Variants in HIPK2 observed in about 807,000 individuals in gnomAD.
HIPK2 encodes homeodomain-interacting protein kinase 2.
HIPK2 carries 27 observed loss-of-function variants against 113.7 expected under a neutral mutation model. The ratio of observed to expected loss-of-function variants is 0.24; its 90% CI spans 0.17 to 0.33. The LOEUF (loss-of-function observed/expected upper bound fraction) is 0.33. Among genes scored for constraint, HIPK2 ranks in the 10% least tolerant of loss-of-function variants. HIPK2 has a pLI of 1.00. For synonymous variants in HIPK2, 631 were observed against 642.2 expected, an observed-to-expected ratio of 0.98 and a Z score of 0.26; for missense variants, 1,257 against 1,588.0, an observed-to-expected ratio of 0.79 and a Z score of 3.54.
At chr7:139,686,092 A>G (rs1477255583) in intron 2 of HIPK2, among the ~76,000 whole-genome samples, 6 of 152,194 alleles carry the variant, frequency 3.9e-5, no homozygotes, top group African/African-American at 7.2e-5. Flanking sequence ...TGATTCATGG[A>G]AAGACGTCAA....
intron 2 of HIPK2, among the ~76,000 whole-genome samples, chr7:139,712,975 G>T (rs961101562): frequency 6.6e-6 from 1 of 152,178 alleles, no homozygotes; most frequent in African/African-American, 2.4e-5. Flanking sequence ...TGGAACCAGG[G>T]CTGGGCACAG....
In HIPK2 at chr7:139,615,393, T is replaced by A. The variant is rs185796798; in HGVS notation, c.1783-900A>T. Among the ~76,000 whole-genome samples, 3 of 152,350 alleles carry A rather than the reference T, an allele frequency of 2.0e-5. No homozygotes were observed. The East Asian group carries it at 5.8e-4, about 29-fold the overall frequency. On this transcript the variant is annotated intron_variant, in intron 7 of 14. Transcript: ENST00000406875. ...TAGAAAAGATGCTGGTGTGTCCAGA[T>A]AACTGAAATGGAGGTGGCTTTGACA...
chr7:139,573,191 C>G lies in HIPK2; in HGVS notation c.3333G>C (p.Leu1111=). 1 of 1,607,794 alleles carries G rather than the reference C, an allele frequency of 6.2e-7. No homozygotes were observed. Among genetic ancestry groups the G allele is most frequent in the African/African-American group, 1.3e-5 (1 of 74,968 alleles). The change falls in exon 15 of 15, where the codon CTG becomes CTC. Residue 1111 remains leucine (L), a synonymous_variant. Transcript: ENST00000406875. ...HLYTYTAPAA[L]GSTGTVAHLV... ...GGTGGGCCACGGTGCCGGTGGAGCC[C>G]AGGGCCGCCGGCGCAGTGTAGGTGT...
intron 1 of HIPK2, among the ~76,000 whole-genome samples, chr7:139,761,334 C>T (rs748788155): frequency 2.0e-5 from 3 of 152,214 alleles, no homozygotes; most frequent in Non-Finnish European, 4.4e-5. Flanking sequence ...TTATACCACA[C>T]AAGTCACTTG....
intron 2 of HIPK2, among the ~76,000 whole-genome samples, chr7:139,696,527 G>A (rs1253093625): frequency 4.0e-5 from 6 of 151,386 alleles, no homozygotes; most frequent in African/African-American, 1.5e-4. Flanking sequence ...AGGTTGCAGT[G>A]AGCTGCGAGT....
At chr7:139,637,460 G>A (rs140785256) in intron 2 of HIPK2, among the ~76,000 whole-genome samples, 3 of 152,310 alleles carry the variant, frequency 2.0e-5, no homozygotes, top group East Asian at 1.9e-4. Context: ...CAGAGTCTTC[G>A]TGGGATGCTG....
chr7:139,758,200 G>A (rs1467657014), intron 1 of HIPK2, among the ~76,000 whole-genome samples: 1 of 152,182 alleles, frequency 6.6e-6, no homozygotes, highest in Non-Finnish European at 1.5e-5. Flanking sequence ...GGACAAGGCT[G>A]AAGGGGAAGA....
chr7:139,777,563 AGGGCGGC>A, intron 1 of HIPK2, 35 bp downstream of exon 1: 1 of 941,374 alleles, frequency 1.1e-6, no homozygotes, highest in South Asian at 4.8e-5. Context: ...GGGGCCGCGG[AGGGCGGC>A]GGGCGCGGGG....
chr7:139,713,645 C>G (rs1385319007), intron 2 of HIPK2, among the ~76,000 whole-genome samples: 1 of 152,234 alleles, frequency 6.6e-6, no homozygotes, highest in African/African-American at 2.4e-5. Flanking sequence ...AACACTGGTA[C>G]GTGTTCATGA....
chr7:139,699,449 G>A (rs1236182348), intron 2 of HIPK2, among the ~76,000 whole-genome samples: 1 of 152,162 alleles, frequency 6.6e-6, no homozygotes, highest in African/African-American at 2.4e-5. Context: ...ATCACCTGGG[G>A]AAGAGGACCA....
chr7:139,568,285 CAGG>C lies in HIPK2; in HGVS notation c.*4639_*4641del, dbSNP rs1798154852. On this transcript the variant is annotated 3_prime_UTR_variant, in exon 15 of 15. Transcript: ENST00000406875. ...AGGAAGACTAGAAAGGCTAACAGTC[CAGG>C]AGATGAATGCCGCTTTGCTCCAACC... The C allele has an allele frequency of 6.6e-6, 1 of 152,468 alleles. No individual in the cohort carries two copies. Among genetic ancestry groups the C allele is most frequent in the Admixed American group, 6.5e-5 (1 of 15,284 alleles). The allele number at this position is 152,468 out of a possible 1,614,324, so 9.4% of individuals were successfully genotyped here. A position where few individuals can be genotyped will look rare whatever the true frequency, so the allele number is the denominator to read the frequency against.
At chr7:139,758,187 C>T (rs1239677460) in intron 1 of HIPK2, among the ~76,000 whole-genome samples, 1 of 151,948 alleles carries the variant, frequency 6.6e-6, no homozygotes, top group Non-Finnish European at 1.5e-5. Context: ...TGGAGAATAG[C>T]CAGGACAAGG....
rs561722015 is a variant in HIPK2, at chr7:139,687,644, CCATGTCTAAAGTCCCT to C, written c.1103+28272_1103+28287del. 3.7e-3 allele frequency among the ~76,000 whole-genome samples: 566 copies of C among 152,264 alleles called. 4 individuals carry two copies. The highest frequency in any genetic ancestry group is 0.014 in the Middle Eastern group (4 of 294). On this transcript the variant is annotated intron_variant, in intron 2 of 14. Transcript: ENST00000406875. ...CTATCCCATCCCATCTCATCCTATC[CCATGTCTAAAGTCCCT>C]CAGCAGGCACCCCTCACTAGGATTG... is the stretch of plus-strand genomic sequence containing the variant.
rs565345606 is a variant in HIPK2, at chr7:139,714,209, C to T, written c.1103+1723G>A. ...CGGGAAAGGAATCCTCAGGGCAGGG[C>T]AGAGAAGAGGCTCGCAGAGAGCTGT... is the stretch of plus-strand genomic sequence containing the variant. On this transcript the variant is annotated intron_variant, in intron 2 of 14. Coordinates refer to ENST00000406875, the MANE Select transcript of HIPK2 (RefSeq NM_022740.5). This position sits in a 1 kb window ranked among gnomAD's most constrained non-coding sequence, Gnocchi z 4.2. Among the ~76,000 whole-genome samples, 3 of 152,294 alleles carry T rather than the reference C, an allele frequency of 2.0e-5. 1 individual carries two copies. Among genetic ancestry groups the T allele is most frequent in the African/African-American group, 7.2e-5 (3 of 41,562 alleles).
Position 139,631,055 on chromosome 7 carries a change from C to A in HIPK2, c.1347+110G>T, listed in dbSNP as rs956531982. ...ATACCATGTATTAACAACAGCACCC[C>A]CAGTGCCCTCATTTTGCTGACTGAA... On this transcript the variant is annotated intron_variant, in intron 4 of 14. Transcript: ENST00000406875. The surrounding 1 kb of genome is among the most constrained non-coding windows in gnomAD (Gnocchi z 4.9). 1 of 1,392,756 alleles carries A rather than the reference C, an allele frequency of 7.2e-7. No individual in the cohort carries two copies. Among genetic ancestry groups the A allele is most frequent in the African/African-American group, 1.4e-5 (1 of 69,018 alleles). 86.3% of individuals were successfully genotyped at this position (1,392,756 alleles called of 1,614,324 possible). A position where few individuals can be genotyped will look rare whatever the true frequency, so the allele number is the denominator to read the frequency against.
chr7:139,767,417 A>G lies in HIPK2; in HGVS notation c.19+10188T>C, dbSNP rs537444644. Reference sequence around the variant, plus strand: ...GCAAATACACGCTCAAGGAACACACAGTCAAAGAATAAACAGGTAGGTAAG... The same window carrying G: ...GCAAATACACGCTCAAGGAACACACGGTCAAAGAATAAACAGGTAGGTAAG... On this transcript the variant is annotated intron_variant, in intron 1 of 14. Transcript: ENST00000406875. Among the ~76,000 whole-genome samples the G allele has an allele frequency of 2.4e-3, 363 of 152,378 alleles. 1 individual carries two copies. Among genetic ancestry groups the G allele is most frequent in the African/African-American group, 8.2e-3 (340 of 41,592 alleles).
chr7:139,634,078 T>G (rs1173565227), intron 2 of HIPK2, among the ~76,000 whole-genome samples: 1 of 150,522 alleles, frequency 6.6e-6, no homozygotes, highest in South Asian at 2.1e-4. Flanking sequence ...ACCATTGCAC[T>G]CCAGCCTGGT....
rs1174213426 is a variant in HIPK2, at chr7:139,562,205, A to C, written c.*10722T>G. 6.6e-6 allele frequency: 1 copy of C among 152,272 alleles called. No individual in the cohort carries two copies. Among genetic ancestry groups the C allele is most frequent in the Non-Finnish European group, 1.5e-5 (1 of 68,052 alleles). The allele number at this position is 152,272 out of a possible 1,614,324, so 9.4% of individuals were successfully genotyped here. On this transcript the variant is annotated 3_prime_UTR_variant, in exon 15 of 15. Transcript: ENST00000406875. ...CTGTTGCACGCAATAATTTTCACAC[A>C]GATTAACATGGATTAACACTTTTTA... is the stretch of plus-strand genomic sequence containing the variant.
At chr7:139,635,100 G>C (rs1800763598) in intron 2 of HIPK2, among the ~76,000 whole-genome samples, 1 of 152,200 alleles carries the variant, frequency 6.6e-6, no homozygotes, top group Admixed American at 6.5e-5. Context: ...CTCTCACGTG[G>C]ATCTAGGCCT....
Sources: allele counts gnomAD v4.1 joint callset (sites outside exome capture counted in the v4.1 genomes callset), GRCh38; gene constraint gnomAD v4.1.1; non-coding constraint Gnocchi (gnomAD v3.1); transcripts MANE v1.5; gene names NCBI Gene and HGNC (gene_info 2026-07-23, HGNC 2026-07-21).